Variants in BTBD1 observed in about 807,000 individuals in gnomAD.
The protein encoded by BTBD1 is BTB/POZ domain-containing protein 1.
BTBD1 carries 34 observed loss-of-function variants against 48.0 expected under a neutral mutation model. That is an observed-to-expected ratio of 0.71 (90% CI 0.54 to 0.94). The LOEUF (loss-of-function observed/expected upper bound fraction) is 0.94. Ranked by LOEUF, BTBD1 falls within the 40% of genes least tolerant of loss-of-function variation. The pLI is 0.00. For synonymous variants in BTBD1, 261 were observed against 242.1 expected, an observed-to-expected ratio of 1.08 and a Z score of -0.72; for missense variants, 543 against 625.6, an observed-to-expected ratio of 0.87 and a Z score of 1.41.
intron 5 of BTBD1, among the ~76,000 whole-genome samples, chr15:83,023,304 T>C (rs1260014183): frequency 6.6e-6 from 1 of 152,224 alleles, no homozygotes; most frequent in African/African-American, 2.4e-5. Flanking sequence ...TAAATCATTT[T>C]ATGAAGCCTT....
intron 4 of BTBD1, among the ~76,000 whole-genome samples, chr15:83,041,171 A>C (rs534445596): frequency 6.6e-6 from 1 of 151,292 alleles, no homozygotes; most frequent in African/African-American, 2.4e-5. Context: ...AAAAAAAGAA[A>C]AAAAAAAAAA....
At chr15:83,040,010 C>A (rs1327951246) in intron 4 of BTBD1, among the ~76,000 whole-genome samples, 1 of 150,196 alleles carries the variant, frequency 6.7e-6, no homozygotes, top group Admixed American at 6.6e-5. Context: ...CACACACACA[C>A]ACACACGGAC....
intron 4 of BTBD1, among the ~76,000 whole-genome samples, chr15:83,040,380 T>C (rs926955108): frequency 3.9e-5 from 6 of 152,138 alleles, no homozygotes; most frequent in African/African-American, 1.4e-4. Flanking sequence ...TTACCCCGAA[T>C]TTAAAATAAA....
Position 83,016,639 on chromosome 15 carries a change from G to A in BTBD1, c.*1428C>T, listed in dbSNP as rs1307323529. ...TAAGGCAGAAGTATTTTCTGTAATGGTTACTACAGAGTGTTTACTGGTTAA... is the reference window on the plus strand; with the variant it reads ...TAAGGCAGAAGTATTTTCTGTAATGATTACTACAGAGTGTTTACTGGTTAA... On this transcript the variant is annotated 3_prime_UTR_variant, in exon 8 of 8. Coordinates refer to ENST00000261721, the MANE Select transcript of BTBD1 (RefSeq NM_025238.4). 1.3e-5 allele frequency: 2 copies of A among 151,978 alleles called. No homozygotes were observed. The highest frequency in any genetic ancestry group is 1.9e-4 in the East Asian group (1 of 5,180). The allele number at this position is 151,978 out of a possible 1,614,324, so 9.4% of individuals were successfully genotyped here.
intron 3 of BTBD1, 71 bp downstream of exon 3, chr15:83,050,002 C>T (rs2032946327): frequency 3.4e-6 from 3 of 874,356 alleles, no homozygotes; most frequent in Non-Finnish European, 5.4e-6. Flanking sequence ...ATAGCCCCTT[C>T]TCCAACAAGG....
At position 83,017,942 on chromosome 15, in the gene BTBD1, A is replaced by C; in HGVS notation, c.*125T>G. ...AATAAGCATTTTTCTATCTGCTCTA[A>C]GAAACTGTTTCTTATCTTACAATTT... On this transcript the variant is annotated 3_prime_UTR_variant, in exon 8 of 8. Coordinates refer to ENST00000261721, the MANE Select transcript of BTBD1 (RefSeq NM_025238.4). 1 of 565,786 alleles carries C rather than the reference A, an allele frequency of 1.8e-6. No homozygotes were observed. The highest frequency in any genetic ancestry group is 2.9e-6 in the Non-Finnish European group (1 of 346,068). The allele number at this position is 565,786 out of a possible 1,614,324, so 35.0% of individuals were successfully genotyped here.
intron 4 of BTBD1, 108 bp from the exon 5 acceptor site, chr15:83,030,436 G>A (rs528667950): frequency 1.6e-5 from 14 of 883,170 alleles, no homozygotes; most frequent in South Asian, 1.2e-4. Flanking sequence ...ATAAAAATAG[G>A]GGAAAAAAAT....
intron 1 of BTBD1, among the ~76,000 whole-genome samples, chr15:83,057,731 C>G (rs907953894): frequency 6.6e-5 from 10 of 152,206 alleles, no homozygotes; most frequent in African/African-American, 2.4e-4. Flanking sequence ...CTTGAGGATC[C>G]GCTGTTGTGT....
At chr15:83,034,090 C>CA (rs748026027) in intron 4 of BTBD1, among the ~76,000 whole-genome samples, 12,554 of 66,948 alleles carry the variant, frequency 0.19, 614 homozygotes, top group Middle Eastern at 0.3. Flanking sequence ...CTGTCTACAC[C>CA]AAAAAAAAAA....
At chr15:83,053,950 G>T (rs8026293) in intron 2 of BTBD1, among the ~76,000 whole-genome samples, 411 of 152,290 alleles carry the variant, frequency 2.7e-3, no homozygotes, top group African/African-American at 9.0e-3. Flanking sequence ...CACAACTATC[G>T]ATTTTAGGTG....
intron 4 of BTBD1, among the ~76,000 whole-genome samples, chr15:83,032,978 A>AAAAAAAAAAC (rs2032552077): frequency 6.8e-6 from 1 of 146,588 alleles, no homozygotes; most frequent in African/African-American, 2.5e-5. Context: ...TCAAAAAAAA[A>AAAAAAAAAAC]AAAAAAAAAA....
At chr15:83,044,987 C>A (rs1182038160) in intron 3 of BTBD1, among the ~76,000 whole-genome samples, 1 of 151,924 alleles carries the variant, frequency 6.6e-6, no homozygotes, top group Non-Finnish European at 1.5e-5. Flanking sequence ...ATAATAAATA[C>A]CCCAGTTCCT....
chr15:83,038,500 AT>A (rs2032674584), intron 4 of BTBD1, among the ~76,000 whole-genome samples: 1 of 152,180 alleles, frequency 6.6e-6, no homozygotes, highest in Non-Finnish European at 1.5e-5. Flanking sequence ...ATTTAATGCT[AT>A]TTCTATCAAA....
At chr15:83,059,621 C>T (rs2033145425) in intron 1 of BTBD1, among the ~76,000 whole-genome samples, 1 of 152,220 alleles carries the variant, frequency 6.6e-6, no homozygotes, top group South Asian at 2.1e-4. Context: ...GTCTCATTGT[C>T]ACTCCGGGTG....
intron 4 of BTBD1, among the ~76,000 whole-genome samples, chr15:83,039,506 C>A (rs2151305921): frequency 6.6e-6 from 1 of 152,264 alleles, no homozygotes; most frequent in East Asian, 1.9e-4. Context: ...GGCACAGTGG[C>A]TCATGTCTGT....
intron 2 of BTBD1, among the ~76,000 whole-genome samples, chr15:83,055,963 G>C (rs2033074568): frequency 6.6e-6 from 1 of 151,972 alleles, no homozygotes; most frequent in Non-Finnish European, 1.5e-5. Flanking sequence ...TTTTGTGATG[G>C]AGTCTCGCTC....
intron 5 of BTBD1, among the ~76,000 whole-genome samples, chr15:83,021,624 G>A (rs114583773): frequency 0.032 from 4,827 of 152,044 alleles, 240 homozygotes; most frequent in African/African-American, 0.11. Flanking sequence ...CATGATAGCA[G>A]GCACCTGTAA....
rs140540874 is a variant in BTBD1, at chr15:83,017,353, G to A, written c.*714C>T. ...GACAGGTATAGTGGTGCAGTTTAGTGACAGGGAATCCAGTCTTAGATCCTG... is the reference window on the plus strand; with the variant it reads ...GACAGGTATAGTGGTGCAGTTTAGTAACAGGGAATCCAGTCTTAGATCCTG... On this transcript the variant is annotated 3_prime_UTR_variant, in exon 8 of 8. Transcript: ENST00000261721. 0.01 allele frequency: 1,544 copies of A among 152,728 alleles called. 18 individuals carry two copies. Among genetic ancestry groups the A allele is most frequent in the Non-Finnish European group, 0.016 (1,075 of 68,026 alleles). The allele number at this position is 152,728 out of a possible 1,614,324, so 9.5% of individuals were successfully genotyped here.
Position 83,018,007 on chromosome 15 carries a change from TTA to T in BTBD1, c.*58_*59del, listed in dbSNP as rs2032205329. On this transcript the variant is annotated 3_prime_UTR_variant, in exon 8 of 8. Transcript: ENST00000261721. ...ACTCAAACTACTTTTTTGTGGCCATTTATGTTTTTGACACTAGATTGTATGGT... is the reference window on the plus strand; with the variant it reads ...ACTCAAACTACTTTTTTGTGGCCATTTGTTTTTGACACTAGATTGTATGGT... The T allele has an allele frequency of 8.5e-7, 1 of 1,176,408 alleles. No individual in the cohort carries two copies. Among genetic ancestry groups the T allele is most frequent in the African/African-American group, 1.6e-5 (1 of 63,864 alleles). 72.9% of individuals were successfully genotyped at this position (1,176,408 alleles called of 1,614,324 possible).
Sources: gnomAD v4.1 joint callset for allele counts (sites outside exome capture counted in the v4.1 genomes callset) on GRCh38, gnomAD v4.1.1 for gene constraint, MANE v1.5 for transcripts, NCBI Gene and HGNC (gene_info 2026-07-23, HGNC 2026-07-21) for gene names.